The following SPSB3 variants were observed in gnomAD, a reference collection of about 807,000 sequenced individuals.
SPSB3 encodes splA/ryanodine receptor domain and SOCS box containing 3.
SPSB3 carries 18 observed loss-of-function variants against 29.5 expected under a neutral mutation model. The ratio of observed to expected loss-of-function variants is 0.61; its 90% confidence interval spans 0.42 to 0.91. SPSB3 has a LOEUF of 0.91. SPSB3 is among the 40% of genes least tolerant of loss of function. The pLI is 0.00. For synonymous variants in SPSB3, 299 were observed against 214.1 expected (o/e 1.40, Z -3.46); for missense variants, 540 against 507.5 (o/e 1.06, Z -0.61).
At chr16:1,778,101 TC>T (rs1567230066) in intron 4 of SPSB3, 32 bp downstream of exon 4, 2 of 1,612,846 alleles carry the variant, frequency 1.2e-6, no homozygotes, top group Admixed American at 1.7e-5. Flanking sequence ...GGAGCCAGGT[TC>T]CCCAGAAGCA....
chr16:1,781,622 TC>T, intron 1 of SPSB3, 127 bp from the exon 2 acceptor site: 1 of 1,001,588 alleles, frequency 1.0e-6, no homozygotes, highest in Non-Finnish European at 1.4e-6. Context: ...CAGCCAGGGC[TC>T]CAGAACGCTT....
At chr16:1,779,786 C>G (rs560197468) in intron 2 of SPSB3, 1 of 152,240 alleles carries the variant, frequency 6.6e-6, no homozygotes, top group African/African-American at 2.4e-5. Flanking sequence ...GCACATGTGT[C>G]GAACACTGCC....
At chr16:1,781,208 C>T (rs751900238) in intron 2 of SPSB3, 150 bp downstream of exon 2, 1 of 1,566,458 alleles carries the variant, frequency 6.4e-7, no homozygotes, top group Admixed American at 1.8e-5. Flanking sequence ...GCGGTGCATC[C>T]AGGAGACAGG....
intron 1 of SPSB3, 136 bp from the exon 2 acceptor site, chr16:1,781,631 C>T: frequency 1.1e-6 from 1 of 883,326 alleles, no homozygotes; most frequent in Non-Finnish European, 1.7e-6. Flanking sequence ...CTCCAGAACG[C>T]TTCAGGAGCC....
chr16:1,781,272 T>G (rs1433259918), intron 2 of SPSB3, 86 bp downstream of exon 2: 2 of 1,610,894 alleles, frequency 1.2e-6, no homozygotes, highest in African/African-American at 1.3e-5. Context: ...TCCGACTGAT[T>G]CCGTGTTCAG....
chr16:1,781,962 T>C (rs1207880403), intron 1 of SPSB3: 2 of 191,166 alleles, frequency 1.0e-5, no homozygotes, highest in Non-Finnish European at 2.2e-5. Context: ...CACCGTCTCC[T>C]GGGCCGCGCA....
intron 2 of SPSB3, 46 bp downstream of exon 2, chr16:1,781,312 T>A (rs1200722674): frequency 6.2e-7 from 1 of 1,612,658 alleles, no homozygotes; most frequent in East Asian, 2.2e-5. Flanking sequence ...CTAGGGCATC[T>A]CCACACCTTA....
chr16:1,781,115 A>G, intron 2 of SPSB3: 2 of 1,434,742 alleles, frequency 1.4e-6, no homozygotes, highest in Non-Finnish European at 1.9e-6. Context: ...GAGAAAGCAC[A>G]GTGAAGAATG....
Position 1,777,047 on chromosome 16 carries a change from G to A in SPSB3, c.*50C>T. 1 of 1,573,608 alleles carries A rather than the reference G, an allele frequency of 6.4e-7. No homozygotes were observed. The highest frequency in any genetic ancestry group is 8.6e-7 in the Non-Finnish European group (1 of 1,156,558). On this transcript the variant is annotated 3_prime_UTR_variant, in exon 7 of 7. Coordinates refer to ENST00000566339, the MANE Select transcript of SPSB3 (RefSeq NM_080861.4). The stretch of plus-strand genomic sequence containing the variant: ...GGAAGGGACAGAGAAAGAAGGGACA[G>A]AGGAAAGGGGCTGTCCCAGCCCAAG...
rs750216641 is a variant in SPSB3, at chr16:1,777,698, T to G, written c.721+49A>C. The G allele has an allele frequency of 2.5e-6, 4 of 1,599,282 alleles. No individual in the cohort carries two copies. The South Asian group carries it at 4.4e-5, about 18-fold the overall frequency. On this transcript the variant is annotated intron_variant, in intron 6 of 6. Coordinates refer to ENST00000566339, the MANE Select transcript of SPSB3 (RefSeq NM_080861.4). ...CCTGGGCTGGGGCGGGGTGGCTGCC[T>G]CCCTCGGGGTGACAGCTGAGAGGAG... is the stretch of plus-strand genomic sequence containing the variant.
rs140155269 is a variant in SPSB3, at chr16:1,777,817, G to A, written c.651C>T (p.Gly217=). 27 of 1,612,748 alleles carry A rather than the reference G, an allele frequency of 1.7e-5. No individual in the cohort carries two copies. In the African/African-American group the frequency reaches 3.5e-4, roughly 21 times the overall value. The change falls in exon 6 of 7, where the codon GGC becomes GGT. Residue 217 remains glycine, a synonymous_variant. Coordinates refer to ENST00000566339, the MANE Select transcript of SPSB3 (RefSeq NM_080861.4). ...TGTCCAGGTGCACGCCAATGATGGA[G>A]CCCTGGCCGAACCGCGATGAGAAGC... The part of the protein sequence containing the change: ...KTSFSSRFGQ[G]SIIGVHLDTW...
chr16:1,778,411 GCA>G, intron 3 of SPSB3, 22 bp downstream of exon 3: 1 of 1,605,772 alleles, frequency 6.2e-7, no homozygotes, highest in Admixed American at 1.7e-5. Context: ...TGCAGTCCCA[GCA>G]GGGGCTGGGC....
rs146273979 is a variant in SPSB3 at position 1,778,263 on chromosome 16, G to A, written c.363C>T (p.Asp121=). Residue 121 remains aspartate, a synonymous_variant, in exon 4 of 7, where the codon GAC becomes GAT. Transcript: ENST00000566339. ...CCATGTGGAAGCTGACCTTACGGTTGTCACAGCTCAGCAGGGTGGCTGATG... is the reference window on the plus strand; with the variant it reads ...CCATGTGGAAGCTGACCTTACGGTTATCACAGCTCAGCAGGGTGGCTGATG... The part of the protein sequence containing the change: ...NKSSATLLSC[D]NRKVSFHMEY... The A allele has an allele frequency of 8.7e-6, 14 of 1,612,934 alleles. No individual in the cohort carries two copies. The highest frequency in any genetic ancestry group is 1.2e-5 in the Non-Finnish European group (14 of 1,180,018).
Position 1,778,415 on chromosome 16 carries a change from G to C in SPSB3, c.304+20C>G. 6.2e-7 allele frequency: 1 copy of C among 1,605,636 alleles called. No individual in the cohort carries two copies. Among genetic ancestry groups the C allele is most frequent in the Non-Finnish European group, 8.5e-7 (1 of 1,176,078 alleles). The stretch of plus-strand genomic sequence containing the variant: ...CCCGCCCGCAGTGCAGTCCCAGCAG[G>C]GGCTGGGCCCCACGCTCACACTCGT... On this transcript the variant is annotated intron_variant, in intron 3 of 6. Coordinates refer to ENST00000566339, the MANE Select transcript of SPSB3 (RefSeq NM_080861.4).
chr16:1,777,592 G>A (rs1454956320), intron 6 of SPSB3, 149 bp from the exon 7 acceptor site: 1 of 1,394,418 alleles, frequency 7.2e-7, no homozygotes, highest in African/African-American at 1.4e-5. Context: ...TGCCACTCCA[G>A]CCTGGCCTCA....
At position 1,781,468 on chromosome 16, in the gene SPSB3, G is replaced by A. The variant is rs751106797; in HGVS notation, c.16C>T (p.Arg6Trp). MARRPRNSRAWHFVLS... is the reference protein window; with the variant it reads MARRPWNSRAWHFVLS... ...ACGAAGTGCCAGGCCCTGCTGTTCC[G>A]GGGGCGTCTGGCCATGGTGGAAAGA... The change falls in exon 2 of 7, where the codon CGG becomes TGG. Residue 6 changes from arginine (R) to tryptophan (W), a missense_variant. Transcript: ENST00000566339. 4.3e-6 allele frequency: 7 copies of A among 1,612,450 alleles called. No homozygotes were observed. Among genetic ancestry groups the A allele is most frequent in the Admixed American group, 1.7e-5 (1 of 59,992 alleles).
rs559780982 is a variant in SPSB3, at chr16:1,778,268, A to G, written c.358T>C (p.Cys120Arg). Reference protein sequence around the residue: ...LNKSSATLLSCDNRKVSFHME... With the variant: ...LNKSSATLLSRDNRKVSFHME... ...TGGAAGCTGACCTTACGGTTGTCAC[A>G]GCTCAGCAGGGTGGCTGATGACTTA... Residue 120 changes from cysteine to arginine, a missense_variant, in exon 4 of 7, where the codon TGT becomes CGT. Transcript: ENST00000566339. 1.9e-6 allele frequency: 3 copies of G among 1,612,908 alleles called. No homozygotes were observed. Among genetic ancestry groups the G allele is most frequent in the Non-Finnish European group, 2.5e-6 (3 of 1,180,008 alleles).
At chr16:1,778,107 G>A (rs771733248) in intron 4 of SPSB3, 27 bp downstream of exon 4, 43 of 1,612,844 alleles carry the variant, frequency 2.7e-5, no homozygotes, top group African/African-American at 4.0e-5. Flanking sequence ...AGGTTCCCCA[G>A]AAGCACCCTG....
At chr16:1,777,488 C>T in intron 6 of SPSB3, 45 bp from the exon 7 acceptor site, 1 of 1,452,084 alleles carries the variant, frequency 6.9e-7, no homozygotes, top group Non-Finnish European at 9.1e-7. Context: ...GGGAAGGGGC[C>T]AGCTACTGGG....
Sources: allele counts gnomAD v4.1 joint callset, GRCh38; gene constraint gnomAD v4.1.1; transcripts MANE v1.5; gene names NCBI Gene and HGNC (gene_info 2026-07-23, HGNC 2026-07-21).